Variants in TMTC2 observed in about 807,000 individuals in gnomAD.
The protein encoded by TMTC2 is protein O-mannosyl-transferase TMTC2.
Under a neutral mutation model 82.4 loss-of-function variants are expected in TMTC2, and 43 were observed. The observed-to-expected ratio is 0.52, with a 90% CI of 0.41 to 0.67. The LOEUF is 0.67. TMTC2 is among the 30% of genes least tolerant of loss of function. The pLI is 0.00. For missense variants in TMTC2, 919 were observed against 1,012.4 expected, an observed-to-expected ratio of 0.91 and a Z score of 1.25; for synonymous variants, 408 against 381.9, an observed-to-expected ratio of 1.07 and a Z score of -0.80.
intron 10 of TMTC2, among the ~76,000 whole-genome samples, chr12:83,059,699 T>TG (rs1339852630): frequency 1.3e-5 from 2 of 151,740 alleles, no homozygotes; most frequent in African/African-American, 2.4e-5. Flanking sequence ...ATAACCATTT[T>TG]GGGGGGCAGT....
intron 8 of TMTC2, among the ~76,000 whole-genome samples, chr12:83,000,814 A>G (rs1879887009): frequency 6.6e-6 from 1 of 152,186 alleles, no homozygotes. Context: ...TCATCCAGGC[A>G]TTTACATACA....
chr12:83,075,342 C>T (rs763424071), intron 11 of TMTC2, among the ~76,000 whole-genome samples: 24 of 152,248 alleles, frequency 1.6e-4, no homozygotes, highest in Non-Finnish European at 3.1e-4. Flanking sequence ...CTCAAACCTC[C>T]GCAAGCTGCT....
intron 1 of TMTC2, among the ~76,000 whole-genome samples, chr12:82,806,146 T>A (rs1879231448): frequency 6.6e-6 from 1 of 152,126 alleles, no homozygotes. Context: ...ATTTTGTGCG[T>A]TGAGTTAAAC....
At chr12:83,030,180 C>A (rs1247074826) in intron 8 of TMTC2, among the ~76,000 whole-genome samples, 1 of 152,048 alleles carries the variant, frequency 6.6e-6, no homozygotes, top group African/African-American at 2.4e-5. Context: ...TTTCGTTTAG[C>A]CTTGGCCTTA....
At chr12:82,701,977 G>A (rs1031432283) in intron 1 of TMTC2, among the ~76,000 whole-genome samples, 4 of 151,926 alleles carry the variant, frequency 2.6e-5, no homozygotes, top group Non-Finnish European at 4.4e-5. Context: ...ATCTACTACC[G>A]GAGGCAATAA....
At chr12:83,049,323 C>G (rs1882258966) in intron 9 of TMTC2, among the ~76,000 whole-genome samples, 1 of 152,106 alleles carries the variant, frequency 6.6e-6, no homozygotes, top group South Asian at 2.1e-4. Flanking sequence ...CAACTTCCAC[C>G]CTCAAGTAGC....
At chr12:82,941,187 T>A (rs532970720) in intron 4 of TMTC2, among the ~76,000 whole-genome samples, 7 of 152,192 alleles carry the variant, frequency 4.6e-5, no homozygotes, top group Non-Finnish European at 1.0e-4. Context: ...TTTCTTATAT[T>A]TTTTTTAAAA....
chr12:82,764,793 G>A (rs57946968), intron 1 of TMTC2, among the ~76,000 whole-genome samples: 1 of 151,692 alleles, frequency 6.6e-6, no homozygotes, highest in Non-Finnish European at 1.5e-5. Flanking sequence ...TAAGAGGGGG[G>A]TAGGGAAAAA....
chr12:82,985,820 A>G, intron 7 of TMTC2, 105 bp from the exon 8 acceptor site: 1 of 1,393,160 alleles, frequency 7.2e-7, no homozygotes, highest in Non-Finnish European at 9.7e-7. Flanking sequence ...TTCCCACAGC[A>G]TCTGAAATTC....
At chr12:82,877,638 T>C (rs10862518) in intron 2 of TMTC2, among the ~76,000 whole-genome samples, 1 of 152,052 alleles carries the variant, frequency 6.6e-6, no homozygotes, top group Non-Finnish European at 1.5e-5. Context: ...TCCTTCCTTA[T>C]AACACTATAT....
At chr12:82,931,106 C>T (rs1016656101) in intron 4 of TMTC2, among the ~76,000 whole-genome samples, 1 of 151,978 alleles carries the variant, frequency 6.6e-6, no homozygotes, top group African/African-American at 2.4e-5. Context: ...GATGTGGACT[C>T]ACTATATTGC....
At chr12:82,758,836 C>T (rs1413532976) in intron 1 of TMTC2, 1 of 152,048 alleles carries the variant, frequency 6.6e-6, no homozygotes, top group African/African-American at 2.4e-5. Context: ...AGTGGGAGAA[C>T]CTGATTTGTT....
At chr12:82,859,348 G>A (rs1035295091) in intron 2 of TMTC2, among the ~76,000 whole-genome samples, 1 of 152,138 alleles carries the variant, frequency 6.6e-6, no homozygotes, top group Non-Finnish European at 1.5e-5. Context: ...TTACAGGTGT[G>A]AGCCACCGCA....
rs147082466 is a variant in TMTC2 at position 82,836,250 on chromosome 12, T to G, written c.84-20760T>G. Among the ~76,000 whole-genome samples, 695 of 152,298 alleles carry G rather than the reference T, an allele frequency of 4.6e-3. 4 individuals are homozygous for G. The highest frequency in any genetic ancestry group is 0.016 in the African/African-American group (661 of 41,582). ...GACACTTAGTGGCCTTCCAAAGATA[T>G]CCACATCCTTATCCTCAGCACCTGT... On this transcript the variant is annotated intron_variant, in intron 1 of 11. Coordinates refer to ENST00000321196, the MANE Select transcript of TMTC2 (RefSeq NM_152588.3).
Position 82,896,390 on chromosome 12 carries a change from G to T in TMTC2, c.1227G>T (p.Thr409=). 6.2e-7 allele frequency: 1 copy of T among 1,614,040 alleles called. No homozygotes were observed. The highest frequency in any genetic ancestry group is 8.5e-7 in the Non-Finnish European group (1 of 1,180,014). Reference sequence around the variant, plus strand: ...TAATCATACCCTTTGTTCCTGCCACGAACCTGTTTTTCTATGTCGGCTTTG... The same window carrying T: ...TAATCATACCCTTTGTTCCTGCCACTAACCTGTTTTTCTATGTCGGCTTTG... ...SLLIIPFVPA[T]NLFFYVGFVI... Residue 409 remains threonine (T), a synonymous_variant, in exon 3 of 12, where the codon ACG becomes ACT. Transcript: ENST00000321196.
chr12:83,014,906 G>T (rs1299357248), intron 8 of TMTC2, among the ~76,000 whole-genome samples: 1 of 152,090 alleles, frequency 6.6e-6, no homozygotes, highest in African/African-American at 2.4e-5. Context: ...CTTTACGTGT[G>T]CTATCTTTGT....
intron 11 of TMTC2, among the ~76,000 whole-genome samples, chr12:83,089,402 A>G (rs1012974545): frequency 3.3e-5 from 5 of 152,332 alleles, no homozygotes; most frequent in African/African-American, 1.2e-4. Context: ...TAAACACTCA[A>G]TAAATGTCAC....
intron 11 of TMTC2, among the ~76,000 whole-genome samples, chr12:83,116,661 T>G (rs1268176906): frequency 2.0e-5 from 3 of 152,246 alleles, no homozygotes; most frequent in African/African-American, 7.2e-5. Flanking sequence ...CATTGTGGCT[T>G]TGATTTGCAT....
intron 1 of TMTC2, among the ~76,000 whole-genome samples, chr12:82,762,247 G>A (rs1876692278): frequency 2.0e-5 from 3 of 152,118 alleles, no homozygotes; most frequent in Non-Finnish European, 4.4e-5. Flanking sequence ...GATTACAGGT[G>A]TGAGCCACCA....
Sources: allele counts gnomAD v4.1 joint callset (sites outside exome capture counted in the v4.1 genomes callset), GRCh38; gene constraint gnomAD v4.1.1; transcripts MANE v1.5; gene names NCBI Gene and HGNC (gene_info 2026-07-23, HGNC 2026-07-21).